Variants in PRKN observed in about 807,000 individuals in gnomAD.
PRKN encodes the protein parkin RBR E3 ubiquitin protein ligase, also known as E3 ubiquitin-protein ligase parkin.
In PRKN, 56 loss-of-function variants were observed where a neutral mutation model predicts 59.5. The observed-to-expected ratio is 0.94, with a 90% confidence interval of 0.76 to 1.18. PRKN has a LOEUF of 1.18. Among genes scored for constraint, PRKN ranks in the 50% most tolerant of loss-of-function variants. The probability of loss-of-function intolerance (pLI) is 0.00; values close to 1 mark genes in which losing one functional copy is unlikely to be tolerated. For synonymous variants in PRKN, 250 were observed against 222.1 expected, an observed-to-expected ratio of 1.13 and a Z score of -1.12; for missense variants, 657 against 596.4, an observed-to-expected ratio of 1.10 and a Z score of -1.06.
intron 2 of PRKN, among the ~76,000 whole-genome samples, chr6:162,423,694 T>C (rs1461555428): frequency 6.6e-6 from 1 of 152,184 alleles, no homozygotes; most frequent in Non-Finnish European, 1.5e-5. Context: ...CTGGTCGTCA[T>C]CAGAAATTGA....
chr6:162,377,163 C>A (rs914625306), intron 2 of PRKN, among the ~76,000 whole-genome samples: 1 of 152,136 alleles, frequency 6.6e-6, no homozygotes, highest in Non-Finnish European at 1.5e-5. Context: ...TTAGCCAATA[C>A]CCTCTAAAGT....
chr6:161,504,847 A>T (rs375994066), intron 9 of PRKN, among the ~76,000 whole-genome samples: 57 of 150,312 alleles, frequency 3.8e-4, no homozygotes, highest in Non-Finnish European at 6.7e-4. Context: ...CTACAAAGGA[A>T]ATGAACTCAT....
At chr6:161,879,202 C>T (rs1794840074) in intron 6 of PRKN, among the ~76,000 whole-genome samples, 1 of 152,056 alleles carries the variant, frequency 6.6e-6, no homozygotes, top group African/African-American at 2.4e-5. Flanking sequence ...TCTCATTGCA[C>T]CAGAGTCAAA....
chr6:162,135,935 C>A, intron 4 of PRKN, among the ~76,000 whole-genome samples: 1 of 151,990 alleles, frequency 6.6e-6, no homozygotes, highest in East Asian at 1.9e-4. Context: ...AAAATACAGT[C>A]TTTATTCAAA....
Position 161,525,998 on chromosome 6 carries a change from T to C in PRKN, c.1083+22856A>G, listed in dbSNP as rs1383006285. On this transcript the variant is annotated intron_variant, in intron 9 of 11. Coordinates refer to ENST00000366898, the MANE Select transcript of PRKN (RefSeq NM_004562.3). The surrounding 1 kb of genome is among the most constrained non-coding windows in gnomAD (Gnocchi z 4.7). ...AACTGAAAGATAGGTTTAAGTTGCC[T>C]GTAACCCAAATCTGTGTATATAAGC... is the stretch of plus-strand genomic sequence containing the variant. 1.3e-5 allele frequency among the ~76,000 whole-genome samples: 2 copies of C among 152,230 alleles called. No homozygotes were observed. Among genetic ancestry groups the C allele is most frequent in the Non-Finnish European group, 2.9e-5 (2 of 68,034 alleles).
At chr6:162,636,980 G>C (rs1364429955) in intron 1 of PRKN, among the ~76,000 whole-genome samples, 1 of 151,984 alleles carries the variant, frequency 6.6e-6, no homozygotes, top group Non-Finnish European at 1.5e-5. Context: ...GATGTGGCCA[G>C]GCATGGTGGC....
In PRKN at chr6:161,947,880, G is replaced by C. The variant is rs543198461; in HGVS notation, c.734+25422C>G. Among the ~76,000 whole-genome samples the C allele has an allele frequency of 3.9e-5, 6 of 152,278 alleles. No individual in the cohort carries two copies. The South Asian group carries it at 1.2e-3, about 32-fold the overall frequency. On this transcript the variant is annotated intron_variant, in intron 6 of 11. Coordinates refer to ENST00000366898, the MANE Select transcript of PRKN (RefSeq NM_004562.3). The stretch of plus-strand genomic sequence containing the variant: ...TGGATTAGAGTTTGAAACCAAACCA[G>C]AGGCACCTTCTGTTATGCCATCCTC...
intron 7 of PRKN, among the ~76,000 whole-genome samples, chr6:161,784,688 C>T (rs904740290): frequency 3.9e-5 from 6 of 152,178 alleles, no homozygotes; most frequent in South Asian, 2.1e-4. Flanking sequence ...CAATATAAAA[C>T]GGTACAGCAG....
chr6:162,565,234 G>T (rs1035225990), intron 1 of PRKN, among the ~76,000 whole-genome samples: 26 of 152,002 alleles, frequency 1.7e-4, no homozygotes, highest in African/African-American at 5.3e-4. Flanking sequence ...AACACACAGT[G>T]GAGACACAAA....
intron 4 of PRKN, among the ~76,000 whole-genome samples, chr6:162,166,357 C>G (rs2128318287): frequency 6.6e-6 from 1 of 152,194 alleles, no homozygotes; most frequent in East Asian, 1.9e-4. Context: ...GAAAAAAAAT[C>G]AGAAGTGTTT....
intron 6 of PRKN, among the ~76,000 whole-genome samples, chr6:161,928,062 C>G (rs4709559): frequency 0.56 from 84,725 of 152,002 alleles, 23,786 homozygotes; most frequent in Middle Eastern, 0.67. Flanking sequence ...CATGAGGATA[C>G]AACCTTCATG....
intron 6 of PRKN, among the ~76,000 whole-genome samples, chr6:161,805,477 C>T (rs9364612): frequency 3.9e-4 from 7 of 17,830 alleles, no homozygotes; most frequent in Non-Finnish European, 7.0e-4. Flanking sequence ...CACACACACA[C>T]ACATGCATGT....
At chr6:162,556,564 C>G (rs1170219600) in intron 1 of PRKN, among the ~76,000 whole-genome samples, 1 of 151,538 alleles carries the variant, frequency 6.6e-6, no homozygotes, top group Non-Finnish European at 1.5e-5. Flanking sequence ...CTAACCAACA[C>G]AGTGAAACCC....
chr6:162,377,479 TC>T (rs763224237), intron 2 of PRKN, among the ~76,000 whole-genome samples: 2 of 152,200 alleles, frequency 1.3e-5, no homozygotes, highest in Non-Finnish European at 2.9e-5. Flanking sequence ...TTTGTCTCTT[TC>T]TTTGATTTCT....
chr6:162,496,292 A>T (rs949717258), intron 1 of PRKN, among the ~76,000 whole-genome samples: 8 of 152,176 alleles, frequency 5.3e-5, no homozygotes, highest in African/African-American at 1.2e-4. Flanking sequence ...GATTGTAGAG[A>T]ATTCTGCTGG....
At chr6:162,092,551 T>C (rs1299313755) in intron 4 of PRKN, among the ~76,000 whole-genome samples, 1 of 152,206 alleles carries the variant, frequency 6.6e-6, no homozygotes, top group Non-Finnish European at 1.5e-5. Context: ...GGTCTTATGA[T>C]ACTACCTAGT....
chr6:162,410,854 G>A (rs1022985215), intron 2 of PRKN, among the ~76,000 whole-genome samples: 2 of 152,146 alleles, frequency 1.3e-5, no homozygotes, highest in African/African-American at 4.8e-5. Context: ...CAGAATTTAA[G>A]GCTCATGAGG....
intron 7 of PRKN, among the ~76,000 whole-genome samples, chr6:161,712,695 A>G (rs1786799144): frequency 6.6e-6 from 1 of 152,094 alleles, no homozygotes; most frequent in South Asian, 2.1e-4. Flanking sequence ...ACTTGATAGG[A>G]CTCAAATATC....
At chr6:162,559,689 C>T (rs1417308733) in intron 1 of PRKN, among the ~76,000 whole-genome samples, 3 of 152,138 alleles carry the variant, frequency 2.0e-5, no homozygotes, top group Non-Finnish European at 4.4e-5. Flanking sequence ...GATAAACTAT[C>T]CATTTTGTGT....
Sources: gnomAD v4.1 joint callset for allele counts (sites outside exome capture counted in the v4.1 genomes callset) on GRCh38, gnomAD v4.1.1 for gene constraint, Gnocchi (gnomAD v3.1) non-coding constraint, MANE v1.5 for transcripts, NCBI Gene and HGNC (gene_info 2026-07-23, HGNC 2026-07-21) for gene names.